Variants in ATPSCKMT observed in about 807,000 individuals in gnomAD.
ATPSCKMT encodes ATP synthase c subunit lysine N-methyltransferase, also known as ATP synthase subunit C lysine N-methyltransferase.
A neutral mutation model predicts 24.3 loss-of-function variants in ATPSCKMT; 24 were observed. The observed-to-expected ratio is 0.99, with a 90% CI of 0.71 to 1.39. The LOEUF is 1.39. Among genes scored for constraint, ATPSCKMT ranks in the 40% most tolerant of loss-of-function variants. The pLI is 0.00. For missense variants in ATPSCKMT, 311 were observed against 298.4 expected (o/e 1.04, Z -0.31); for synonymous variants, 95 against 110.5 (o/e 0.86, Z 0.88).
rs528820432 is a variant in ATPSCKMT at position 10,249,787 on chromosome 5, ACCGCGAGCCCCCGGC to A, written c.16+56_16+70del. 184 of 1,523,798 alleles carry A rather than the reference ACCGCGAGCCCCCGGC, an allele frequency of 1.2e-4. 2 individuals are homozygous for A. In the South Asian group the frequency reaches 2.3e-3, roughly 19 times the overall value. The allele number at this position is 1,523,798 out of a possible 1,614,324, so 94.4% of individuals were successfully genotyped here. On this transcript the variant is annotated intron_variant, in intron 1 of 4. Transcript: ENST00000511437. ...GCCTCGACAGTGGAGACCTCAGCTG[ACCGCGAGCCCCCGGC>A]CCGCCCGCACCCCTTCTCATGCCCC...
At position 10,239,974 on chromosome 5, in the gene ATPSCKMT, C is replaced by G. The variant is rs191442492; in HGVS notation, c.17-618G>C. 2.8e-4 allele frequency among the ~76,000 whole-genome samples: 43 copies of G among 152,214 alleles called. No individual in the cohort carries two copies. In the East Asian group the frequency reaches 8.3e-3, roughly 29 times the overall value. On this transcript the variant is annotated intron_variant, in intron 1 of 4. Transcript: ENST00000511437. ...GGGCGTGGTGGTTCACGCCTGTAAT[C>G]CCAGCACTTTGGGAGGCCAAGGCGG...
At chr5:10,234,374 A>G (rs1744283558) in intron 4 of ATPSCKMT, among the ~76,000 whole-genome samples, 1 of 152,224 alleles carries the variant, frequency 6.6e-6, no homozygotes, top group African/African-American at 2.4e-5. Flanking sequence ...TTATATTTTA[A>G]AAGTAAAGAA....
intron 4 of ATPSCKMT, among the ~76,000 whole-genome samples, chr5:10,230,285 T>G (rs1290669310): frequency 6.6e-6 from 1 of 152,198 alleles, no homozygotes; most frequent in Admixed American, 6.5e-5. Context: ...AAAAAAGTTT[T>G]GTTCCTTGAG....
rs747388033 is a variant in ATPSCKMT, at chr5:10,235,244, G to A, written c.462C>T (p.Tyr154=). Residue 154 remains tyrosine, a synonymous_variant, in exon 4 of 5, where the codon TAC becomes TAT. Coordinates refer to ENST00000511437, the MANE Select transcript of ATPSCKMT (RefSeq NM_199133.4). ...GCACACCGAAAATAACAACGTTCGAGTACTGCGAAAAAGTAACCTGAACAA... is the reference window on the plus strand; with the variant it reads ...GCACACCGAAAATAACAACGTTCGAATACTGCGAAAAAGTAACCTGAACAA... ...SDLWKVTFSQ[Y]SNVVIFGVPQ... is the part of the protein sequence containing the mutation. 3.8e-5 allele frequency: 61 copies of A among 1,613,608 alleles called. No homozygotes were observed. Among genetic ancestry groups the A allele is most frequent in the Non-Finnish European group, 5.1e-5 (60 of 1,179,644 alleles).
rs752564036 is a variant in ATPSCKMT, at chr5:10,227,572, G to C, written c.571C>G (p.Pro191Ala). 4.3e-6 allele frequency: 7 copies of C among 1,614,200 alleles called. No individual in the cohort carries two copies. In the South Asian group the frequency reaches 7.7e-5, roughly 18 times the overall value. The stretch of plus-strand genomic sequence containing the variant: ...GTGACGTGGTCTGGAGTCCAATGTG[G>C]GAAAGGGAACCGGCAAGCAATAACT... ...ARVIACRFPF[P>A]HWTPDHVTGE... The change falls in exon 5 of 5, where the codon CCA becomes GCA. Residue 191 changes from proline to alanine, a missense_variant. By Grantham distance (27) the Pro-to-Ala change is conservative. Coordinates refer to ENST00000511437, the MANE Select transcript of ATPSCKMT (RefSeq NM_199133.4).
At position 10,241,365 on chromosome 5, in the gene ATPSCKMT, C is replaced by A. The variant is rs571259532; in HGVS notation, c.17-2009G>T. On this transcript the variant is annotated intron_variant, in intron 1 of 4. Transcript: ENST00000511437. The stretch of plus-strand genomic sequence containing the variant: ...CCTGGAGAGGACATTTTTCTTCCCA[C>A]CACACCCATGAACTACGGCAATCTA... Among the ~76,000 whole-genome samples, 187 of 152,308 alleles carry A rather than the reference C, an allele frequency of 1.2e-3. 1 individual carries two copies. Among genetic ancestry groups the A allele is most frequent in the African/African-American group, 4.4e-3 (182 of 41,556 alleles).
chr5:10,228,375 T>C (rs1561024442), intron 4 of ATPSCKMT, among the ~76,000 whole-genome samples: 1 of 152,228 alleles, frequency 6.6e-6, no homozygotes, highest in Non-Finnish European at 1.5e-5. Context: ...GTATCCATAA[T>C]ATACTGATAA....
chr5:10,229,423 A>G (rs376870065), intron 4 of ATPSCKMT, among the ~76,000 whole-genome samples: 96 of 152,300 alleles, frequency 6.3e-4, no homozygotes, highest in African/African-American at 2.2e-3. Context: ...TGAACTTACC[A>G]GGGCTCCACA....
intron 1 of ATPSCKMT, among the ~76,000 whole-genome samples, chr5:10,240,927 C>T (rs1035815703): frequency 9.1e-5 from 13 of 143,602 alleles, no homozygotes; most frequent in Non-Finnish European, 1.8e-4. Context: ...ACCCGGGAGG[C>T]AGAGCTTGCA....
intron 1 of ATPSCKMT, among the ~76,000 whole-genome samples, chr5:10,241,900 G>A (rs1317304081): frequency 1.3e-5 from 2 of 152,198 alleles, no homozygotes; most frequent in Non-Finnish European, 2.9e-5. Context: ...AAAAAACAAT[G>A]TATGTACCTT....
At chr5:10,237,444 T>C (rs1339091705) in intron 2 of ATPSCKMT, among the ~76,000 whole-genome samples, 1 of 152,256 alleles carries the variant, frequency 6.6e-6, no homozygotes, top group Admixed American at 6.5e-5. Context: ...TCCCATGTGT[T>C]GTGGGAGGGA....
chr5:10,241,984 A>T (rs1744665552), intron 1 of ATPSCKMT, among the ~76,000 whole-genome samples: 1 of 152,238 alleles, frequency 6.6e-6, no homozygotes, highest in Non-Finnish European at 1.5e-5. Flanking sequence ...TTTTTAAAAA[A>T]GAGTTTATTG....
At chr5:10,244,931 T>C (rs1006323151) in intron 1 of ATPSCKMT, among the ~76,000 whole-genome samples, 2 of 147,572 alleles carry the variant, frequency 1.4e-5, no homozygotes, top group Non-Finnish European at 3.0e-5. Context: ...AAAAGAAAAG[T>C]CAAGGCACAT....
At chr5:10,235,378 G>A (rs2292264) in intron 3 of ATPSCKMT, 117 bp from the exon 4 acceptor site, 182,862 of 774,196 alleles carry the variant, frequency 0.24, 30,812 homozygotes, top group East Asian at 0.82. Context: ...GGGTTTTGAT[G>A]AACTCCTAAG....
At chr5:10,228,717 T>C (rs1271385733) in intron 4 of ATPSCKMT, among the ~76,000 whole-genome samples, 1 of 152,032 alleles carries the variant, frequency 6.6e-6, no homozygotes, top group Non-Finnish European at 1.5e-5. Context: ...ACAAGATTTA[T>C]CGCCCAGGCT....
At chr5:10,230,895 G>A (rs554093215) in intron 4 of ATPSCKMT, among the ~76,000 whole-genome samples, 23 of 152,022 alleles carry the variant, frequency 1.5e-4, no homozygotes, top group Admixed American at 2.6e-4. Flanking sequence ...GCTCATCCTC[G>A]TGCTCCCCAT....
chr5:10,231,511 C>A (rs1744136094), intron 4 of ATPSCKMT, among the ~76,000 whole-genome samples: 1 of 152,120 alleles, frequency 6.6e-6, no homozygotes, highest in South Asian at 2.1e-4. Context: ...TCCCCACGCA[C>A]ACTCATGCCA....
intron 2 of ATPSCKMT, among the ~76,000 whole-genome samples, chr5:10,237,680 C>T (rs1429125781): frequency 6.6e-6 from 1 of 152,196 alleles, no homozygotes; most frequent in South Asian, 2.1e-4. Context: ...TAAGTCTAAT[C>T]ACCTCTTTCT....
At chr5:10,236,780 G>C in intron 2 of ATPSCKMT, 165 bp from the exon 3 acceptor site, 1 of 1,465,868 alleles carries the variant, frequency 6.8e-7, no homozygotes, top group African/African-American at 1.4e-5. Context: ...ATAGCTTTGT[G>C]GACAACGTAA....
Sources: allele counts gnomAD v4.1 joint callset (sites outside exome capture counted in the v4.1 genomes callset), GRCh38; gene constraint gnomAD v4.1.1; transcripts MANE v1.5; gene names NCBI Gene and HGNC (gene_info 2026-07-23, HGNC 2026-07-21).